The following TDRD10 variants were observed in gnomAD, a reference collection of about 807,000 sequenced individuals.
The protein encoded by TDRD10 is tudor domain-containing protein 10.
TDRD10 carries 40 observed loss-of-function variants against 48.0 expected under a neutral mutation model. The observed-to-expected ratio is 0.83, with a 90% CI of 0.65 to 1.09. The LOEUF is 1.09. Ranked by LOEUF, TDRD10 falls within the 50% of genes least tolerant of loss-of-function variation. The pLI is 0.00. For synonymous variants in TDRD10, 162 were observed against 170.4 expected, an observed-to-expected ratio of 0.95 and a Z score of 0.38; for missense variants, 378 against 434.7, an observed-to-expected ratio of 0.87 and a Z score of 1.16.
chr1:154,525,702 T>C (rs1354909862), intron 6 of TDRD10, among the ~76,000 whole-genome samples: 5 of 152,174 alleles, frequency 3.3e-5, no homozygotes. Flanking sequence ...AAGACCAGCC[T>C]AGCCAACATG....
At chr1:154,504,147 C>T (rs1203201698) in intron 1 of TDRD10, among the ~76,000 whole-genome samples, 1 of 152,232 alleles carries the variant, frequency 6.6e-6, no homozygotes. Flanking sequence ...ATGTGGCCTT[C>T]TTTCCCTTAG....
chr1:154,514,616 C>T (rs2149318892), intron 4 of TDRD10, among the ~76,000 whole-genome samples: 1 of 152,270 alleles, frequency 6.6e-6, no homozygotes, highest in African/African-American at 2.4e-5. Context: ...CATGCCACTG[C>T]TCGCACCCCG....
At chr1:154,511,777 G>A (rs1463662117) in intron 4 of TDRD10, among the ~76,000 whole-genome samples, 4 of 152,252 alleles carry the variant, frequency 2.6e-5, no homozygotes, top group African/African-American at 9.6e-5. Context: ...CAACCCGGGA[G>A]CTGGAGGTTG....
intron 4 of TDRD10, among the ~76,000 whole-genome samples, chr1:154,518,250 G>C (rs1570919453): frequency 6.6e-6 from 1 of 152,168 alleles, no homozygotes; most frequent in East Asian, 1.9e-4. Context: ...TTTGGTGGCA[G>C]AATTATGGAC....
chr1:154,530,897 T>C (rs1433949066), intron 6 of TDRD10, among the ~76,000 whole-genome samples: 1 of 151,010 alleles, frequency 6.6e-6, no homozygotes, highest in Non-Finnish European at 1.5e-5. Context: ...CGAGTCTCAC[T>C]CTGTCACCCA....
At chr1:154,520,744 G>A (rs758646053) in intron 5 of TDRD10, among the ~76,000 whole-genome samples, 5 of 152,066 alleles carry the variant, frequency 3.3e-5, no homozygotes, top group African/African-American at 1.2e-4. Flanking sequence ...TGCTTTGAAC[G>A]TTTGTTTGTT....
At chr1:154,529,495 C>T (rs544098053) in intron 6 of TDRD10, among the ~76,000 whole-genome samples, 5 of 151,282 alleles carry the variant, frequency 3.3e-5, no homozygotes, top group East Asian at 2.0e-4. Context: ...TAGCAGAAAC[C>T]GCAATAATTT....
At chr1:154,537,362 C>T (rs1001428540) in intron 6 of TDRD10, among the ~76,000 whole-genome samples, 2 of 152,208 alleles carry the variant, frequency 1.3e-5, no homozygotes, top group South Asian at 4.1e-4. Context: ...AAGGGGGGCT[C>T]CCTGAGGAGC....
chr1:154,541,896 T>C, intron 6 of TDRD10, 128 bp from the exon 7 acceptor site: 1 of 832,496 alleles, frequency 1.2e-6, no homozygotes, highest in Non-Finnish European at 1.9e-6. Context: ...AAAAGTCAGC[T>C]CTAAAGTCGG....
At chr1:154,505,107 A>G (rs1305971412) in intron 1 of TDRD10, among the ~76,000 whole-genome samples, 1 of 152,234 alleles carries the variant, frequency 6.6e-6, no homozygotes, top group African/African-American at 2.4e-5. Context: ...TGGATTCACA[A>G]CGAAAACAGG....
At chr1:154,530,418 G>GT (rs1370215808) in intron 6 of TDRD10, among the ~76,000 whole-genome samples, 1 of 107,976 alleles carries the variant, frequency 9.3e-6, no homozygotes, top group Non-Finnish European at 2.0e-5. Context: ...TTTTTTTTAA[G>GT]TTTTTTTCAT....
At chr1:154,546,359 A>G (rs1005466126) in intron 11 of TDRD10, among the ~76,000 whole-genome samples, 2 of 147,088 alleles carry the variant, frequency 1.4e-5, no homozygotes, top group African/African-American at 5.0e-5. Flanking sequence ...GGTGCGAGCC[A>G]CCGCACCCGG....
chr1:154,526,969 G>T (rs997009134), intron 6 of TDRD10, among the ~76,000 whole-genome samples: 4 of 151,770 alleles, frequency 2.6e-5, no homozygotes, highest in Non-Finnish European at 5.9e-5. Flanking sequence ...GAGTGCAGTG[G>T]CACAGTCTTG....
intron 4 of TDRD10, among the ~76,000 whole-genome samples, chr1:154,511,329 A>G (rs1204411476): frequency 6.6e-6 from 1 of 151,226 alleles, no homozygotes; most frequent in African/African-American, 2.4e-5. Flanking sequence ...TGGAAAATTT[A>G]TTGTTTAAAA....
chr1:154,544,338 A>T (rs1695427868), intron 9 of TDRD10, 34 bp from the exon 10 acceptor site: 2 of 1,560,604 alleles, frequency 1.3e-6, no homozygotes, highest in East Asian at 4.7e-5. Context: ...AATGCAGTGC[A>T]GGCAGTGGGG....
chr1:154,544,563 GA>G, intron 10 of TDRD10, 46 bp downstream of exon 10: 1 of 1,585,686 alleles, frequency 6.3e-7, no homozygotes, highest in Non-Finnish European at 8.6e-7. Flanking sequence ...GGCGTGCAGG[GA>G]AAATGCTCCC....
At chr1:154,514,579 C>T (rs1247522625) in intron 4 of TDRD10, among the ~76,000 whole-genome samples, 1 of 152,114 alleles carries the variant, frequency 6.6e-6, no homozygotes, top group Non-Finnish European at 1.5e-5. Flanking sequence ...AAAAAGTTAC[C>T]TCCATCCAGA....
At chr1:154,517,204 A>G (rs1055668574) in intron 4 of TDRD10, among the ~76,000 whole-genome samples, 3 of 152,108 alleles carry the variant, frequency 2.0e-5, no homozygotes, top group African/African-American at 4.8e-5. Context: ...GAAATCAGGG[A>G]GCTGAGGTGC....
At chr1:154,547,512 C>G (rs753722409) in intron 12 of TDRD10, 33 bp downstream of exon 12, 2 of 1,614,090 alleles carry the variant, frequency 1.2e-6, no homozygotes, top group Non-Finnish European at 1.7e-6. Context: ...TGGCTGTTGT[C>G]CCTCCACTCC....
Sources: gnomAD v4.1 joint callset for allele counts (sites outside exome capture counted in the v4.1 genomes callset) on GRCh38, gnomAD v4.1.1 for gene constraint, MANE v1.5 for transcripts, NCBI Gene and HGNC (gene_info 2026-07-23, HGNC 2026-07-21) for gene names.